RIN3: variants seen among roughly 807,000 people sequenced by gnomAD.
The protein encoded by RIN3 is RAB5 interacting protein 3.
RIN3 carries 54 observed loss-of-function variants against 76.3 expected under a neutral mutation model. That is an observed-to-expected ratio of 0.71 (90% confidence interval 0.57 to 0.89). The LOEUF (loss-of-function observed/expected upper bound fraction) is 0.89, where lower values mean the gene tolerates loss of function less well. Among genes scored for constraint, RIN3 ranks in the 40% least tolerant of loss-of-function variants. The pLI, the probability that RIN3 is intolerant of heterozygous loss-of-function variation, is 0.00. For missense variants in RIN3, 1,256 were observed against 1,322.1 expected, an observed-to-expected ratio of 0.95 and a Z score of 0.78; for synonymous variants, 576 against 564.0, an observed-to-expected ratio of 1.02 and a Z score of -0.30.
rs1888681809 is a variant in RIN3, at chr14:92,681,982, G to A, written c.2468-3005G>A. ...GCTCACTGCAACCTCTGCCTCTCAG[G>A]TTCAAGCGATTCTCCTGTCTCAGCC... is the stretch of plus-strand genomic sequence containing the variant. On this transcript the variant is annotated intron_variant, in intron 8 of 9. Coordinates refer to ENST00000216487, the MANE Select transcript of RIN3 (RefSeq NM_024832.5). The surrounding 1 kb of genome is among the most constrained non-coding windows in gnomAD (Gnocchi z 4.7). Among the ~76,000 whole-genome samples, 1 of 152,114 alleles carries A rather than the reference G, an allele frequency of 6.6e-6. No homozygotes were observed. Among genetic ancestry groups the A allele is most frequent in the African/African-American group, 2.4e-5 (1 of 41,404 alleles).
chr14:92,577,395 GC>G lies in RIN3; in HGVS notation c.286del (p.Leu96TrpfsTer10). ...LVRRDSSSKQLVLCVHFPSLN... is the reference protein window; with the variant it reads ...LVRRDSSSKQXVLCVHFPSLN... ...TTCGCCGGGACAGCAGCTCGAAGCA[GC>G]TGGTGCTCTGTGTCCACTTTCCTTC... On this transcript the variant is annotated frameshift_variant, in exon 3 of 10. Transcript: ENST00000216487. LOFTEE classifies it high-confidence loss of function. The G allele has an allele frequency of 6.2e-7, 1 of 1,613,868 alleles. No homozygotes were observed. The highest frequency in any genetic ancestry group is 8.5e-7 in the Non-Finnish European group (1 of 1,179,824).
At chr14:92,680,200 C>CTTTTTTTTTT (rs34005662) in intron 8 of RIN3, among the ~76,000 whole-genome samples, 2 of 134,318 alleles carry the variant, frequency 1.5e-5, no homozygotes, top group African/African-American at 5.6e-5. Flanking sequence ...CTCTCTGGCA[C>CTTTTTTTTTT]TTTTTTTTTT....
At chr14:92,593,939 A>G (rs550780001) in intron 3 of RIN3, among the ~76,000 whole-genome samples, 1 of 152,330 alleles carries the variant, frequency 6.6e-6, no homozygotes, top group Admixed American at 6.5e-5. Flanking sequence ...TCCATCAGAC[A>G]TAGGCAGATA....
At chr14:92,517,264 A>T (rs1896467141) in intron 1 of RIN3, among the ~76,000 whole-genome samples, 1 of 152,172 alleles carries the variant, frequency 6.6e-6, no homozygotes, top group Non-Finnish European at 1.5e-5. Context: ...GCACCCTTCA[A>T]AACCCAGAGG....
At chr14:92,519,669 G>A (rs1197143196) in intron 1 of RIN3, among the ~76,000 whole-genome samples, 1 of 152,216 alleles carries the variant, frequency 6.6e-6, no homozygotes, top group Non-Finnish European at 1.5e-5. Flanking sequence ...CCAGGCCTCG[G>A]TCTCCCTGCC....
At chr14:92,616,960 A>G (rs1053620616) in intron 4 of RIN3, among the ~76,000 whole-genome samples, 4 of 152,188 alleles carry the variant, frequency 2.6e-5, no homozygotes, top group African/African-American at 7.2e-5. Flanking sequence ...GTTGGGGCCT[A>G]GTGCATGAGC....
intron 3 of RIN3, among the ~76,000 whole-genome samples, chr14:92,611,395 C>T (rs1012306730): frequency 2.0e-5 from 3 of 152,144 alleles, no homozygotes; most frequent in Non-Finnish European, 4.4e-5. Flanking sequence ...CATGCCTCAG[C>T]CCCCCGAGGC....
intron 1 of RIN3, among the ~76,000 whole-genome samples, chr14:92,526,632 A>G (rs1896740760): frequency 6.6e-6 from 1 of 152,130 alleles, no homozygotes; most frequent in Admixed American, 6.5e-5. Flanking sequence ...GTGTGCCTGT[A>G]GTTCCAGCTA....
intron 3 of RIN3, 111 bp from the exon 4 acceptor site, chr14:92,615,296 C>A: frequency 1.2e-6 from 1 of 862,872 alleles, no homozygotes; most frequent in South Asian, 1.4e-5. Flanking sequence ...AGCATGGGAC[C>A]CAGAATGTGT....
At chr14:92,620,162 T>G (rs1886121579) in intron 4 of RIN3, among the ~76,000 whole-genome samples, 1 of 152,246 alleles carries the variant, frequency 6.6e-6, no homozygotes, top group South Asian at 2.1e-4. Context: ...TCCTTTATAT[T>G]TAACCAGTTT....
chr14:92,674,502 C>T (rs1888392547), intron 7 of RIN3, among the ~76,000 whole-genome samples: 1 of 151,998 alleles, frequency 6.6e-6, no homozygotes. Flanking sequence ...ACTCAGGAGG[C>T]TGAGGTGGAA....
At chr14:92,655,656 A>G (rs1887641765) in intron 6 of RIN3, among the ~76,000 whole-genome samples, 1 of 152,228 alleles carries the variant, frequency 6.6e-6, no homozygotes, top group African/African-American at 2.4e-5. Context: ...GTCAGAGCCA[A>G]GGTGAGCAGT....
chr14:92,636,011 C>T (rs1309220873), intron 4 of RIN3, among the ~76,000 whole-genome samples: 1 of 152,216 alleles, frequency 6.6e-6, no homozygotes, highest in Non-Finnish European at 1.5e-5. Flanking sequence ...CAGATGCAGG[C>T]ATTGTCACTT....
chr14:92,574,791 C>G (rs1166580913), intron 2 of RIN3, among the ~76,000 whole-genome samples: 2 of 152,128 alleles, frequency 1.3e-5, no homozygotes, highest in African/African-American at 4.8e-5. Context: ...ACTAATGATT[C>G]ATTGTGCTGC....
At position 92,676,428 on chromosome 14, in the gene RIN3, A is replaced by G. The variant is rs1888463540; in HGVS notation, c.2336-47A>G. 1.9e-6 allele frequency: 3 copies of G among 1,602,068 alleles called. No homozygotes were observed. The South Asian group carries it at 3.3e-5, about 18-fold the overall frequency. ...CTACCCTGGGCAGAGAGCATCTCAC[A>G]AGGAGAGCCTGGAACTCATCTCCCT... is the stretch of plus-strand genomic sequence containing the variant. On this transcript the variant is annotated intron_variant, in intron 7 of 9. Coordinates refer to ENST00000216487, the MANE Select transcript of RIN3 (RefSeq NM_024832.5).
At chr14:92,574,002 C>G (rs1272578428) in intron 2 of RIN3, among the ~76,000 whole-genome samples, 1 of 152,200 alleles carries the variant, frequency 6.6e-6, no homozygotes. Context: ...AAGCCAATGT[C>G]AAGCAGGAAC....
In RIN3 at chr14:92,651,464, G is replaced by A. The variant is rs111788477; in HGVS notation, c.533-118G>A. The A allele has an allele frequency of 3.9e-3, 2,362 of 601,892 alleles. 54 individuals carry two copies. Among genetic ancestry groups the A allele is most frequent in the African/African-American group, 0.039 (2,092 of 53,412 alleles). The allele number at this position is 601,892 out of a possible 1,614,324, so 37.3% of individuals were successfully genotyped here. A position where few individuals can be genotyped will look rare whatever the true frequency, so the allele number is the denominator to read the frequency against. Reference sequence around the variant, plus strand: ...AAAACAACCTCAACCTCGGAGTAGTGAAGCAAATGCCTTGAACAGCCCTCC... The same window carrying A: ...AAAACAACCTCAACCTCGGAGTAGTAAAGCAAATGCCTTGAACAGCCCTCC... On this transcript the variant is annotated intron_variant, in intron 5 of 9. Coordinates refer to ENST00000216487, the MANE Select transcript of RIN3 (RefSeq NM_024832.5).
rs750483367 is a variant in RIN3 at position 92,659,360 on chromosome 14, C to T, written c.2226C>T (p.Ile742=). 1 of 1,612,446 alleles carries T rather than the reference C, an allele frequency of 6.2e-7. No individual in the cohort carries two copies. The highest frequency in any genetic ancestry group is 1.3e-5 in the African/African-American group (1 of 74,896). The change falls in exon 7 of 10, where the codon ATC becomes ATT. Residue 742 remains isoleucine (I), a synonymous_variant. Transcript: ENST00000216487. ...CGGAGGTGCCCATGATGGAGAAGAT[C>T]CTGCAGAAGTTCACCAGCATGCACA... ...SVPEVPMMEK[I]LQKFTSMHKA...
At chr14:92,548,026 T>C (rs1304136556) in intron 1 of RIN3, among the ~76,000 whole-genome samples, 1 of 152,196 alleles carries the variant, frequency 6.6e-6, no homozygotes, top group East Asian at 1.9e-4. Flanking sequence ...TTTTAAATCA[T>C]GTTAGCAATG....
Sources: gnomAD v4.1 joint callset for allele counts (sites outside exome capture counted in the v4.1 genomes callset) on GRCh38, gnomAD v4.1.1 for gene constraint, Gnocchi (gnomAD v3.1) non-coding constraint, MANE v1.5 for transcripts, NCBI Gene and HGNC (gene_info 2026-07-23, HGNC 2026-07-21) for gene names.